PRR5L: variants seen among roughly 807,000 people sequenced by gnomAD.
PRR5L encodes proline rich 5 like.
PRR5L carries 21 observed loss-of-function variants against 36.4 expected under a neutral mutation model. The ratio of observed to expected loss-of-function variants is 0.58; its 90% CI spans 0.41 to 0.83. PRR5L has a LOEUF of 0.83. PRR5L is among the 40% of genes least tolerant of loss of function. The pLI is 0.00. For missense variants in PRR5L, 381 were observed against 473.3 expected (o/e 0.80, Z 1.81); for synonymous variants, 188 against 197.0 (o/e 0.95, Z 0.38).
chr11:36,316,047 C>T (rs1372081889), intron 1 of PRR5L, among the ~76,000 whole-genome samples: 1 of 152,168 alleles, frequency 6.6e-6, no homozygotes, highest in Admixed American at 6.5e-5. Flanking sequence ...CAACCTCCTC[C>T]TGATTGTTAT....
At chr11:36,449,124 G>A (rs948339450) in intron 7 of PRR5L, among the ~76,000 whole-genome samples, 5 of 152,316 alleles carry the variant, frequency 3.3e-5, no homozygotes, top group East Asian at 1.9e-4. Context: ...TAGAGCCTGG[G>A]GCTGGGGATG....
chr11:36,454,602 C>T (rs1327613684), intron 8 of PRR5L: 1 of 152,230 alleles, frequency 6.6e-6, no homozygotes, highest in East Asian at 1.9e-4. Context: ...ACCACTCACG[C>T]TGGATTACTG....
intron 8 of PRR5L, among the ~76,000 whole-genome samples, chr11:36,455,865 G>A (rs532566583): frequency 6.6e-6 from 1 of 152,338 alleles, no homozygotes; most frequent in East Asian, 1.9e-4. Flanking sequence ...CGGGAACTTA[G>A]CAAGGAAACG....
At chr11:36,351,374 A>G (rs187691986) in intron 1 of PRR5L, among the ~76,000 whole-genome samples, 4,010 of 83,710 alleles carry the variant, frequency 0.048, 132 homozygotes, top group Middle Eastern at 0.12. Flanking sequence ...ATATATATAC[A>G]TATATATCAA....
chr11:36,347,125 A>C (rs932134769), intron 1 of PRR5L, among the ~76,000 whole-genome samples: 1 of 152,190 alleles, frequency 6.6e-6, no homozygotes, highest in Non-Finnish European at 1.5e-5. Flanking sequence ...AATACTGGTT[A>C]CCTTGGGGAG....
intron 7 of PRR5L, 68 bp downstream of exon 7, chr11:36,446,508 G>T: frequency 6.3e-7 from 1 of 1,587,714 alleles, no homozygotes; most frequent in Non-Finnish European, 8.6e-7. Context: ...GCCTTTCTGA[G>T]ATGAGGGGGA....
intron 3 of PRR5L, among the ~76,000 whole-genome samples, chr11:36,405,978 G>T (rs1857901766): frequency 6.6e-6 from 1 of 152,116 alleles, no homozygotes; most frequent in East Asian, 1.9e-4. Flanking sequence ...ATCAAATTGG[G>T]GGTTAAGGCT....
intron 1 of PRR5L, among the ~76,000 whole-genome samples, chr11:36,349,589 C>T (rs924777200): frequency 8.5e-5 from 13 of 152,234 alleles, no homozygotes; most frequent in East Asian, 3.9e-4. Flanking sequence ...CCGTGGTGCC[C>T]GTCTTTGGCA....
At chr11:36,315,963 G>A (rs1004238021) in intron 1 of PRR5L, among the ~76,000 whole-genome samples, 1 of 152,158 alleles carries the variant, frequency 6.6e-6, no homozygotes, top group Non-Finnish European at 1.5e-5. Flanking sequence ...TGAACTAAGA[G>A]CCTCCAGATG....
At chr11:36,299,710 G>A (rs1017863454) in intron 1 of PRR5L, among the ~76,000 whole-genome samples, 1 of 152,194 alleles carries the variant, frequency 6.6e-6, no homozygotes, top group East Asian at 1.9e-4. Context: ...ACCCAAAAGA[G>A]ATTATTCAGC....
intron 7 of PRR5L, among the ~76,000 whole-genome samples, chr11:36,449,585 C>T (rs1003822761): frequency 2.0e-5 from 3 of 152,206 alleles, no homozygotes; most frequent in Non-Finnish European, 2.9e-5. Flanking sequence ...CTGAGACCAC[C>T]GGAATGGTGC....
chr11:36,407,511 A>G (rs1236566453), intron 3 of PRR5L, among the ~76,000 whole-genome samples: 1 of 152,218 alleles, frequency 6.6e-6, no homozygotes. Context: ...GGTGAGGCTA[A>G]GTTCTTACAA....
At chr11:36,449,706 G>A (rs904504654) in intron 7 of PRR5L, among the ~76,000 whole-genome samples, 8 of 152,122 alleles carry the variant, frequency 5.3e-5, no homozygotes, top group Non-Finnish European at 1.0e-4. Context: ...TTTTGAACAC[G>A]AGGCCCTGCA....
chr11:36,462,346 G>T lies in PRR5L; in HGVS notation c.717G>T (p.Arg239Ser). ...TTGCTGATTTTTCTCTTGCAGCCAGGCGGCACTCCAGGGTCCGGCCCAAGG... is the reference window on the plus strand; with the variant it reads ...TTGCTGATTTTTCTCTTGCAGCCAGTCGGCACTCCAGGGTCCGGCCCAAGG... ...SFSGPTYTLARRHSRVRPKVT... is the reference protein window; with the variant it reads ...SFSGPTYTLASRHSRVRPKVT... Residue 239 changes from arginine to serine, a missense_variant, in exon 9 of 9, where the codon AGG becomes AGT. Coordinates refer to ENST00000530639, the MANE Select transcript of PRR5L (RefSeq NM_001160167.2). The T allele has an allele frequency of 6.7e-7, 1 of 1,488,440 alleles. No individual in the cohort carries two copies. Among genetic ancestry groups the T allele is most frequent in the Non-Finnish European group, 8.9e-7 (1 of 1,119,098 alleles). 92.2% of individuals were successfully genotyped at this position (1,488,440 alleles called of 1,614,324 possible). A position where few individuals can be genotyped will look rare whatever the true frequency, so the allele number is the denominator to read the frequency against.
intron 1 of PRR5L, among the ~76,000 whole-genome samples, chr11:36,349,470 G>T (rs1856904954): frequency 6.6e-6 from 1 of 152,186 alleles, no homozygotes; most frequent in Non-Finnish European, 1.5e-5. Context: ...GGAGGCCCGA[G>T]TAGGACCCAG....
At chr11:36,404,665 T>C (rs746492575) in intron 3 of PRR5L, among the ~76,000 whole-genome samples, 5 of 151,452 alleles carry the variant, frequency 3.3e-5, no homozygotes, top group Non-Finnish European at 7.4e-5. Context: ...GGCAGAACAA[T>C]AAACAAGTCC....
rs573819811 is a variant in PRR5L, at chr11:36,421,717, C to T, written c.294+2414C>T. ...CACAGATCACTGAAATGATTTTAGG[C>T]GATGCGTGCAATGACATTAAATAAC... On this transcript the variant is annotated intron_variant, in intron 4 of 8. Coordinates refer to ENST00000530639, the MANE Select transcript of PRR5L (RefSeq NM_001160167.2). Among the ~76,000 whole-genome samples the T allele has an allele frequency of 7.9e-5, 12 of 152,186 alleles. No individual in the cohort carries two copies. The South Asian group carries it at 1.2e-3, about 16-fold the overall frequency.
At chr11:36,333,144 C>A (rs1250592410) in intron 1 of PRR5L, among the ~76,000 whole-genome samples, 1 of 152,106 alleles carries the variant, frequency 6.6e-6, no homozygotes, top group African/African-American at 2.4e-5. Flanking sequence ...GGCTTAAGGA[C>A]AACTTAAAAT....
At chr11:36,417,549 A>T (rs941535804) in intron 3 of PRR5L, among the ~76,000 whole-genome samples, 18 of 152,204 alleles carry the variant, frequency 1.2e-4, no homozygotes, top group African/African-American at 4.3e-4. Context: ...GCCCTCCATG[A>T]GACTGCCTTT....
Sources: gnomAD v4.1 joint callset for allele counts (sites outside exome capture counted in the v4.1 genomes callset) on GRCh38, gnomAD v4.1.1 for gene constraint, MANE v1.5 for transcripts, NCBI Gene and HGNC (gene_info 2026-07-23, HGNC 2026-07-21) for gene names.